The following MS4A15 variants were observed in gnomAD, a reference collection of about 807,000 sequenced individuals.
MS4A15 encodes the protein membrane-spanning 4-domains subfamily A member 15.
A neutral mutation model predicts 20.6 loss-of-function variants in MS4A15; 22 were observed. The ratio of observed to expected loss-of-function variants is 1.07; its 90% CI spans 0.76 to 1.52. The LOEUF (loss-of-function observed/expected upper bound fraction) is 1.52, where lower values mean the gene tolerates loss of function less well. Among genes scored for constraint, MS4A15 ranks in the 40% most tolerant of loss-of-function variants. The pLI is 0.00. For synonymous variants in MS4A15, 129 were observed against 129.3 expected, an observed-to-expected ratio of 1.00 and a Z score of 0.02; for missense variants, 312 against 323.0, an observed-to-expected ratio of 0.97 and a Z score of 0.26.
intron 5 of MS4A15, 52 bp from the exon 6 acceptor site, chr11:60,773,784 AC>A: frequency 5.4e-6 from 8 of 1,493,134 alleles, no homozygotes; most frequent in Non-Finnish European, 7.5e-6. Context: ...CACTCGGGGG[AC>A]CCCCTTACTC....
chr11:60,764,714 A>C (rs567690094), intron 2 of MS4A15, among the ~76,000 whole-genome samples: 14 of 152,066 alleles, frequency 9.2e-5, no homozygotes, highest in Non-Finnish European at 1.9e-4. Flanking sequence ...ATCAAGACCA[A>C]CCTGGCCAAC....
Position 60,767,529 on chromosome 11 carries a change from G to T in MS4A15, c.226-4G>T. ...GCGGCACTGAGCCTCGGGGCTTCCCGCAGACGGTGCAGATCCTCATCGGCC... is the reference window on the plus strand; with the variant it reads ...GCGGCACTGAGCCTCGGGGCTTCCCTCAGACGGTGCAGATCCTCATCGGCC... On this transcript the variant is annotated splice_region_variant and splice_polypyrimidine_tract_variant and intron_variant, in intron 2 of 6. Coordinates refer to ENST00000405633, the MANE Select transcript of MS4A15 (RefSeq NM_001098835.2). The T allele has an allele frequency of 6.6e-7, 1 of 1,518,832 alleles. No individual in the cohort carries two copies. 94.1% of individuals were successfully genotyped at this position (1,518,832 alleles called of 1,614,324 possible). A position where few individuals can be genotyped will look rare whatever the true frequency, so the allele number is the denominator to read the frequency against.
rs200450937 is a variant in MS4A15 at position 60,768,030 on chromosome 11, TA to T, written c.348+380del. On this transcript the variant is annotated intron_variant, in intron 3 of 6. Transcript: ENST00000405633. ...CAACATGGTGATACCCCGTCTCTAC[TA>T]AAAATACAAAAATTAGCCGGGCACG... is the stretch of plus-strand genomic sequence containing the variant. 2.8e-3 allele frequency among the ~76,000 whole-genome samples: 419 copies of T among 151,730 alleles called. 9 individuals are homozygous for T. In the East Asian group the frequency reaches 0.056, roughly 20 times the overall value.
Position 60,773,460 on chromosome 11 carries a change from C to A in MS4A15, c.474C>A (p.Leu158=). 1 of 1,614,000 alleles carries A rather than the reference C, an allele frequency of 6.2e-7. No homozygotes were observed. Among genetic ancestry groups the A allele is most frequent in the Non-Finnish European group, 8.5e-7 (1 of 1,179,992 alleles). The change falls in exon 5 of 7, where the codon CTC becomes CTA. Residue 158 remains leucine, a synonymous_variant. Transcript: ENST00000405633. ...CCTTTGCTGGGACAGCCATTCTGCT[C>A]ATGGATTTTGGTGTTACCAACCGGG... ...MAAFAGTAIL[L]MDFGVTNRDV...
rs530726299 is a variant in MS4A15 at position 60,773,822 on chromosome 11, G to T, written c.499-15G>T. ...AGAACTCTGGGCTCACCTTTCTGTG[G>T]GTTTTGGTCCCCAGGATGTGGACAG... is the stretch of plus-strand genomic sequence containing the variant. On this transcript the variant is annotated splice_polypyrimidine_tract_variant and intron_variant, in intron 5 of 6. Coordinates refer to ENST00000405633, the MANE Select transcript of MS4A15 (RefSeq NM_001098835.2). The T allele has an allele frequency of 2.5e-6, 4 of 1,609,562 alleles. No individual in the cohort carries two copies. Among genetic ancestry groups the T allele is most frequent in the Non-Finnish European group, 2.6e-6 (3 of 1,176,028 alleles).
chr11:60,759,512 C>T (rs1437807065), intron 1 of MS4A15, among the ~76,000 whole-genome samples: 1 of 152,200 alleles, frequency 6.6e-6, no homozygotes, highest in Non-Finnish European at 1.5e-5. Context: ...CTTACCATCC[C>T]CTAGCCCGAC....
chr11:60,769,564 C>T lies in MS4A15; in HGVS notation c.349-1727C>T, dbSNP rs80260803. On this transcript the variant is annotated intron_variant, in intron 3 of 6. Coordinates refer to ENST00000405633, the MANE Select transcript of MS4A15 (RefSeq NM_001098835.2). ...CAGCCCAGAGAGCCGGATTCTAAAC[C>T]CAGCTGCCCTCTTGACAACTCCGCT... Among the ~76,000 whole-genome samples the T allele has an allele frequency of 2.7e-3, 417 of 152,196 alleles. 6 individuals are homozygous for T. Among genetic ancestry groups the T allele is most frequent in the East Asian group, 0.027 (139 of 5,168 alleles).
chr11:60,769,661 T>C (rs1309536128), intron 3 of MS4A15, among the ~76,000 whole-genome samples: 1 of 152,146 alleles, frequency 6.6e-6, no homozygotes, highest in Non-Finnish European at 1.5e-5. Context: ...TCCCCAGCCC[T>C]ATCCCTCCTA....
At chr11:60,762,988 T>A (rs564175193) in intron 1 of MS4A15, among the ~76,000 whole-genome samples, 1 of 152,268 alleles carries the variant, frequency 6.6e-6, no homozygotes, top group Admixed American at 6.5e-5. Flanking sequence ...ATCTAGTGGA[T>A]GTTTGTGGTT....
Position 60,759,016 on chromosome 11 carries a change from C to A in MS4A15, c.-29+1958C>A, listed in dbSNP as rs555279585. Among the ~76,000 whole-genome samples, 6 of 152,360 alleles carry A rather than the reference C, an allele frequency of 3.9e-5. 1 individual carries two copies. The highest frequency in any genetic ancestry group is 1.4e-4 in the African/African-American group (6 of 41,586). ...TCCGCTTATGCGGTGTGTAGTATTACTCATTTAGATCTTGCACATGTGAAG... is the reference window on the plus strand; with the variant it reads ...TCCGCTTATGCGGTGTGTAGTATTAATCATTTAGATCTTGCACATGTGAAG... On this transcript the variant is annotated intron_variant, in intron 1 of 6. Transcript: ENST00000405633.
At chr11:60,771,151 C>G (rs1025731267) in intron 3 of MS4A15, 140 bp from the exon 4 acceptor site, 1 of 875,640 alleles carries the variant, frequency 1.1e-6, no homozygotes, top group Non-Finnish European at 1.8e-6. Context: ...TGCCGAGAGA[C>G]CCCAAGGTGC....
chr11:60,771,728 C>T (rs1854050311), intron 4 of MS4A15: 1 of 1,262,792 alleles, frequency 7.9e-7, no homozygotes, highest in Non-Finnish European at 1.0e-6. Flanking sequence ...GCCACTGAAA[C>T]CACGCCTGGC....
intron 2 of MS4A15, 27 bp from the exon 3 acceptor site, chr11:60,767,506 G>C: frequency 6.7e-7 from 1 of 1,489,284 alleles, no homozygotes; most frequent in Non-Finnish European, 9.0e-7. Context: ...CAGGGCCCGC[G>C]GCACTGAGCC....
chr11:60,775,065 C>T (rs920667959), intron 6 of MS4A15, among the ~76,000 whole-genome samples: 3 of 152,150 alleles, frequency 2.0e-5, no homozygotes, highest in Non-Finnish European at 2.9e-5. Flanking sequence ...CCTGTAACCC[C>T]GGCACTTTGG....
At position 60,775,704 on chromosome 11, in the gene MS4A15, G is replaced by A. The variant is rs1854176090; in HGVS notation, c.712G>A (p.Gly238Arg). The A allele has an allele frequency of 6.2e-7, 1 of 1,613,386 alleles. No homozygotes were observed. The highest frequency in any genetic ancestry group is 8.5e-7 in the Non-Finnish European group (1 of 1,179,624). The change falls in exon 7 of 7, where the codon GGA becomes AGA. Residue 238 changes from glycine to arginine, a missense_variant. Physicochemically the swap from Gly to Arg is moderately radical, Grantham distance 125 (BLOSUM62 -2). Transcript: ENST00000405633. ...CTATGACAATGTGGCATATGCCCAA[G>A]GAGTCGTCTGAGTAGCAGATGTGGC... ...PAYDNVAYAQ[G>R]VV
chr11:60,776,011 C>T lies in MS4A15; in HGVS notation c.*296C>T, dbSNP rs1322622248. 2 of 256,218 alleles carry T rather than the reference C, an allele frequency of 7.8e-6. No individual in the cohort carries two copies. The highest frequency in any genetic ancestry group is 1.5e-5 in the Non-Finnish European group (2 of 133,172). 15.9% of individuals were successfully genotyped at this position (256,218 alleles called of 1,614,324 possible). On this transcript the variant is annotated 3_prime_UTR_variant, in exon 7 of 7. Coordinates refer to ENST00000405633, the MANE Select transcript of MS4A15 (RefSeq NM_001098835.2). ...TTGTGCATCTAAGCATTTCTCTGCT[C>T]ATTGGGGAAATCCTGGCCTCATTGG... is the stretch of plus-strand genomic sequence containing the variant.
chr11:60,767,617 T>G lies in MS4A15; in HGVS notation c.310T>G (p.Phe104Val), dbSNP rs1853916949. The G allele has an allele frequency of 1.3e-6, 2 of 1,558,092 alleles. No individual in the cohort carries two copies. The highest frequency in any genetic ancestry group is 2.4e-5 in the East Asian group (1 of 42,310). The change falls in exon 3 of 7, where the codon TTC becomes GTC. Residue 104 changes from phenylalanine to valine, a missense_variant. Coordinates refer to ENST00000405633, the MANE Select transcript of MS4A15 (RefSeq NM_001098835.2). ...MVRRGHVGIFFIEGGVPFWGG... is the reference protein window; with the variant it reads ...MVRRGHVGIFVIEGGVPFWGG... ...TCGCCGCGGCCACGTGGGCATCTTC[T>G]TCATCGAGGGCGGCGTCCCCTTCTG...
chr11:60,763,899 C>T lies in MS4A15; in HGVS notation c.166C>T (p.Gln56Ter). The T allele has an allele frequency of 6.2e-7, 1 of 1,613,178 alleles. No homozygotes were observed. ...PLGAQTPRAT[Q>*]PPDLRPVETF... ...GGGGGCACAGACACCAAGGGCCACACAGCCACCTGACTTGCGGCCCGTGGA... is the reference window on the plus strand; with the variant it reads ...GGGGGCACAGACACCAAGGGCCACATAGCCACCTGACTTGCGGCCCGTGGA... Residue 56 changes from glutamine (Q) to a stop codon, truncating the protein, a stop_gained, in exon 2 of 7, where the codon CAG becomes TAG. Coordinates refer to ENST00000405633, the MANE Select transcript of MS4A15 (RefSeq NM_001098835.2). LOFTEE classifies it high-confidence loss of function.
At chr11:60,764,623 G>A (rs1214129796) in intron 2 of MS4A15, among the ~76,000 whole-genome samples, 1 of 152,162 alleles carries the variant, frequency 6.6e-6, no homozygotes, top group Non-Finnish European at 1.5e-5. Context: ...AAAAAGAAAA[G>A]CTTTAGGCCA....
Sources: gnomAD v4.1 joint callset for allele counts (sites outside exome capture counted in the v4.1 genomes callset) on GRCh38, gnomAD v4.1.1 for gene constraint, MANE v1.5 for transcripts, NCBI Gene and HGNC (gene_info 2026-07-23, HGNC 2026-07-21) for gene names.